ASB2: variants seen among roughly 807,000 people sequenced by gnomAD.
ASB2 encodes ankyrin repeat and SOCS box protein 2.
A neutral mutation model predicts 62.4 loss-of-function variants in ASB2; 58 were observed. That is an observed-to-expected ratio of 0.93 (90% CI 0.75 to 1.16). ASB2 has a LOEUF of 1.16. Among genes scored for constraint, ASB2 ranks in the 50% most tolerant of loss-of-function variants. ASB2 has a pLI of 0.00. For synonymous variants in ASB2, 386 were observed against 385.3 expected (o/e 1.00, Z -0.02); for missense variants, 928 against 887.9 (o/e 1.05, Z -0.57).
At chr14:93,935,175 G>A (rs1888227198) in intron 9 of ASB2, among the ~76,000 whole-genome samples, 1 of 152,148 alleles carries the variant, frequency 6.6e-6, no homozygotes, top group Non-Finnish European at 1.5e-5. Flanking sequence ...CTTAGCAATG[G>A]GGTCAGAGGG....
chr14:93,959,116 C>T (rs1889323143), intron 2 of ASB2, among the ~76,000 whole-genome samples: 1 of 152,168 alleles, frequency 6.6e-6, no homozygotes, highest in Admixed American at 6.5e-5. Flanking sequence ...GTGTGCTGTT[C>T]CCATTTTGCA....
intron 1 of ASB2, among the ~76,000 whole-genome samples, chr14:93,975,083 A>G (rs1418193914): frequency 2.0e-5 from 3 of 152,264 alleles, no homozygotes; most frequent in Non-Finnish European, 1.5e-5. Flanking sequence ...TGCCTCGAGC[A>G]TCTGCCACTG....
intron 7 of ASB2, among the ~76,000 whole-genome samples, chr14:93,946,961 C>T (rs554589851): frequency 1.3e-5 from 2 of 152,298 alleles, no homozygotes; most frequent in South Asian, 4.1e-4. Context: ...CAGGTGAGTA[C>T]CTGCCGCCTA....
At chr14:93,956,919 G>T in intron 2 of ASB2, 49 bp from the exon 3 acceptor site, 1 of 1,610,210 alleles carries the variant, frequency 6.2e-7, no homozygotes, top group Non-Finnish European at 8.5e-7. Context: ...CTCTGCATAG[G>T]AGAAGCGGGT....
In ASB2 at chr14:93,964,382, G is replaced by A. The variant is rs773111415; in HGVS notation, c.158C>T (p.Ala53Val). ...AGGTTGGCGGTTGGTACATGCAGAC[G>A]CGGTGGCCTCAGCAGTGGTTGGGCC... ...TRGPTTAEAT[A>V]SACTNRQPAH... The change falls in exon 2 of 10, where the codon GCG (alanine) becomes GTG (valine). Residue 53 changes from alanine (A) to valine (V), a missense_variant. Coordinates refer to ENST00000555019, the MANE Select transcript of ASB2 (RefSeq NM_001202429.2). The A allele has an allele frequency of 6.2e-5, 96 of 1,536,034 alleles. No homozygotes were observed. The highest frequency in any genetic ancestry group is 8.1e-5 in the Non-Finnish European group (93 of 1,146,920).
intron 9 of ASB2, among the ~76,000 whole-genome samples, chr14:93,935,420 A>G (rs933980289): frequency 7.7e-5 from 8 of 103,320 alleles, no homozygotes; most frequent in Non-Finnish European, 1.5e-4. Flanking sequence ...AGAATCACAG[A>G]ATGTCATTCA....
chr14:93,953,114 G>A (rs927744886), intron 5 of ASB2, among the ~76,000 whole-genome samples: 5 of 152,224 alleles, frequency 3.3e-5, no homozygotes, highest in East Asian at 1.9e-4. Context: ...GGGTGCACAG[G>A]TTGGACTATA....
In ASB2 at chr14:93,951,298, G is replaced by A. The variant is rs1329547545; in HGVS notation, c.635-54C>T. The A allele has an allele frequency of 6.5e-6, 10 of 1,537,538 alleles. No individual in the cohort carries two copies. The East Asian group carries it at 2.0e-4, about 31-fold the overall frequency. ...AGCAGGGCCTGGCAGGAACTGGCCA[G>A]CAGAGACTGCATTCATTCGCCTGTC... On this transcript the variant is annotated intron_variant, in intron 5 of 9. Coordinates refer to ENST00000555019, the MANE Select transcript of ASB2 (RefSeq NM_001202429.2).
chr14:93,970,368 C>G lies in ASB2; in HGVS notation c.-73-5756G>C, dbSNP rs146296792. On this transcript the variant is annotated intron_variant, in intron 1 of 9. Coordinates refer to ENST00000555019, the MANE Select transcript of ASB2 (RefSeq NM_001202429.2). ...TTGGCTGTGTTTGTGGATGGAGCTGCTCGTCAGCCTACCCTGCCCTGAAGG... is the reference window on the plus strand; with the variant it reads ...TTGGCTGTGTTTGTGGATGGAGCTGGTCGTCAGCCTACCCTGCCCTGAAGG... 7.6e-3 allele frequency among the ~76,000 whole-genome samples: 1,156 copies of G among 152,266 alleles called. 10 individuals carry two copies. Among genetic ancestry groups the G allele is most frequent in the Middle Eastern group, 0.031 (9 of 294 alleles).
intron 2 of ASB2, among the ~76,000 whole-genome samples, chr14:93,962,137 T>A (rs12878580): frequency 9.3e-6 from 1 of 107,618 alleles, no homozygotes; most frequent in East Asian, 3.1e-4. Context: ...TTTTTTGAGA[T>A]GGAGTCTCGC....
At chr14:93,954,223 A>G (rs1296078906) in intron 4 of ASB2, 94 bp downstream of exon 4, 2 of 999,424 alleles carry the variant, frequency 2.0e-6, no homozygotes, top group Non-Finnish European at 3.1e-6. Flanking sequence ...TTCTCCCAAG[A>G]TGATTGTGGG....
In ASB2 at chr14:93,939,272, C is replaced by A. The variant is rs1185831076; in HGVS notation, c.1453G>T (p.Ala485Ser). 1 of 1,609,722 alleles carries A rather than the reference C, an allele frequency of 6.2e-7. No individual in the cohort carries two copies. Among genetic ancestry groups the A allele is most frequent in the Non-Finnish European group, 8.5e-7 (1 of 1,177,056 alleles). The change falls in exon 8 of 10, where the codon GCC becomes TCC. Residue 485 changes from alanine (A) to serine (S), a missense_variant. Transcript: ENST00000555019. ...TTGAGCAGCGACAGGCACTTCATGG[C>A]GAACATGATGGTGGCGGGGAAGGCG... ...PTAFPATIMFAMKCLSLLKFL... is the reference protein window; with the variant it reads ...PTAFPATIMFSMKCLSLLKFL...
intron 8 of ASB2, 23 bp from the exon 9 acceptor site, chr14:93,937,874 C>T: frequency 6.3e-7 from 1 of 1,576,360 alleles, no homozygotes; most frequent in Non-Finnish European, 8.7e-7. Flanking sequence ...ATGCCGGGAC[C>T]AAGAAGTGAG....
intron 9 of ASB2, among the ~76,000 whole-genome samples, chr14:93,936,422 G>C (rs1215146843): frequency 1.3e-5 from 2 of 152,214 alleles, no homozygotes; most frequent in Non-Finnish European, 2.9e-5. Context: ...GAATGGGTAG[G>C]ACTGATACCT....
chr14:93,970,805 C>T (rs909705752), intron 1 of ASB2, among the ~76,000 whole-genome samples: 10 of 152,220 alleles, frequency 6.6e-5, no homozygotes, highest in African/African-American at 9.6e-5. Flanking sequence ...GCAGGTTACT[C>T]GGTGCCTCAC....
chr14:93,967,294 T>C (rs1889622848), intron 1 of ASB2, among the ~76,000 whole-genome samples: 1 of 152,184 alleles, frequency 6.6e-6, no homozygotes, highest in African/African-American at 2.4e-5. Flanking sequence ...CAGGTCTGCC[T>C]TCAGTGGCGG....
At chr14:93,944,648 C>T (rs1888655007) in intron 7 of ASB2, among the ~76,000 whole-genome samples, 1 of 152,214 alleles carries the variant, frequency 6.6e-6, no homozygotes, top group African/African-American at 2.4e-5. Flanking sequence ...GGGAACCAGG[C>T]TTTAACCCTT....
chr14:93,960,600 C>A (rs1889373297), intron 2 of ASB2, among the ~76,000 whole-genome samples: 1 of 152,208 alleles, frequency 6.6e-6, no homozygotes, highest in African/African-American at 2.4e-5. Flanking sequence ...TTCATGGGTT[C>A]ATGGACCCCA....
chr14:93,941,997 G>A (rs1888543945), intron 7 of ASB2, among the ~76,000 whole-genome samples: 1 of 152,220 alleles, frequency 6.6e-6, no homozygotes, highest in Non-Finnish European at 1.5e-5. Flanking sequence ...GGTGGGTGGT[G>A]CACAAGAGCA....
Sources: allele counts gnomAD v4.1 joint callset (sites outside exome capture counted in the v4.1 genomes callset), GRCh38; gene constraint gnomAD v4.1.1; transcripts MANE v1.5; gene names NCBI Gene and HGNC (gene_info 2026-07-23, HGNC 2026-07-21).